The following KCNQ5 variants were observed in gnomAD, a reference collection of about 807,000 sequenced individuals.
KCNQ5 encodes the protein potassium voltage-gated channel subfamily KQT member 5.
In KCNQ5, 30 loss-of-function variants were observed where a neutral mutation model predicts 98.2. The observed-to-expected ratio is 0.31, with a 90% CI of 0.23 to 0.41. The LOEUF (loss-of-function observed/expected upper bound fraction) is 0.41. KCNQ5 is among the 10% of genes least tolerant of loss of function. KCNQ5 has a pLI of 1.00. For synonymous variants in KCNQ5, 458 were observed against 449.4 expected, an observed-to-expected ratio of 1.02 and a Z score of -0.24; for missense variants, 835 against 1,182.5, an observed-to-expected ratio of 0.71 and a Z score of 4.31.
At chr6:72,650,370 C>T (rs7746067) in intron 1 of KCNQ5, among the ~76,000 whole-genome samples, 69,213 of 151,882 alleles carry the variant, frequency 0.46, 19,755 homozygotes, top group African/African-American at 0.78. Flanking sequence ...AAAAGAAAAA[C>T]GGAAAGAAAA....
chr6:73,052,811 C>T (rs952716033), intron 3 of KCNQ5, among the ~76,000 whole-genome samples: 2 of 152,100 alleles, frequency 1.3e-5, no homozygotes, highest in Non-Finnish European at 2.9e-5. Flanking sequence ...ACCATTGATG[C>T]CAAAAAGCAA....
At chr6:72,760,518 G>C (rs972474912) in intron 1 of KCNQ5, among the ~76,000 whole-genome samples, 2 of 151,922 alleles carry the variant, frequency 1.3e-5, no homozygotes, top group African/African-American at 4.8e-5. Context: ...TGTGCATGGG[G>C]TGAGGGGGTT....
chr6:72,885,996 A>C (rs2150177758), intron 1 of KCNQ5, among the ~76,000 whole-genome samples: 1 of 152,304 alleles, frequency 6.6e-6, no homozygotes, highest in African/African-American at 2.4e-5. Flanking sequence ...CTAAGTTCAC[A>C]CCTCACATAA....
At chr6:72,996,517 C>A (rs1769306621) in intron 1 of KCNQ5, among the ~76,000 whole-genome samples, 1 of 152,092 alleles carries the variant, frequency 6.6e-6, no homozygotes, top group Admixed American at 6.6e-5. Context: ...CTTTAGGGAC[C>A]AAAGAAGTAG....
chr6:72,957,183 T>TG (rs982976907), intron 1 of KCNQ5, among the ~76,000 whole-genome samples: 1 of 151,112 alleles, frequency 6.6e-6, no homozygotes, highest in Non-Finnish European at 1.5e-5. Flanking sequence ...TTTTTTTTTT[T>TG]TTTTTGAGAT....
intron 1 of KCNQ5, among the ~76,000 whole-genome samples, chr6:72,893,524 A>T (rs1455188306): frequency 3.9e-5 from 6 of 152,184 alleles, no homozygotes; most frequent in Admixed American, 6.5e-5. Flanking sequence ...GCAATGCTTT[A>T]GGGAGAGCCA....
At chr6:72,813,352 T>C (rs1402800080) in intron 1 of KCNQ5, among the ~76,000 whole-genome samples, 1 of 152,222 alleles carries the variant, frequency 6.6e-6, no homozygotes, top group Non-Finnish European at 1.5e-5. Flanking sequence ...CTGTATTCTT[T>C]GTTAAATGGA....
intron 1 of KCNQ5, among the ~76,000 whole-genome samples, chr6:72,869,546 T>C (rs1485067368): frequency 3.3e-5 from 5 of 152,236 alleles, no homozygotes; most frequent in African/African-American, 1.2e-4. Context: ...TCTTTTCCCC[T>C]GTAGGCTTCC....
chr6:72,799,593 A>G (rs184673935), intron 1 of KCNQ5, among the ~76,000 whole-genome samples: 419 of 152,324 alleles, frequency 2.8e-3, no homozygotes, highest in African/African-American at 9.8e-3. Flanking sequence ...CAAGAAAAAG[A>G]ATCTGTATTT....
intron 7 of KCNQ5, among the ~76,000 whole-genome samples, chr6:73,112,329 G>A (rs1022847147): frequency 3.3e-5 from 5 of 151,090 alleles, no homozygotes; most frequent in Non-Finnish European, 7.4e-5. Context: ...TTGTTGTTTT[G>A]TTTTATTTTT....
intron 1 of KCNQ5, among the ~76,000 whole-genome samples, chr6:72,942,736 C>A (rs1766367463): frequency 1.3e-5 from 2 of 152,168 alleles, no homozygotes; most frequent in Non-Finnish European, 2.9e-5. Context: ...TATGGAATGA[C>A]TGCGGTAGGG....
intron 1 of KCNQ5, among the ~76,000 whole-genome samples, chr6:72,984,830 T>A (rs1242009144): frequency 6.6e-6 from 1 of 152,230 alleles, no homozygotes; most frequent in Non-Finnish European, 1.5e-5. Flanking sequence ...GCTGTTGCTA[T>A]TCGGCCATTT....
At chr6:72,745,946 C>T (rs1468776285) in intron 1 of KCNQ5, among the ~76,000 whole-genome samples, 2 of 151,930 alleles carry the variant, frequency 1.3e-5, no homozygotes, top group Non-Finnish European at 2.9e-5. Context: ...CCCTCTGTCT[C>T]CCCTGTATCT....
rs375348261 is a variant in KCNQ5 at position 73,195,120 on chromosome 6, G to T, written c.2505G>T (p.Leu835=). Residue 835 remains leucine, a synonymous_variant, in exon 14 of 14, where the codon CTG becomes CTT. Coordinates refer to ENST00000370398, the MANE Select transcript of KCNQ5 (RefSeq NM_019842.4). ...DLGKSLSVQN[L]IRSTEELNIQ... ...GCAAATCTTTGTCTGTGCAAAACCT[G>T]ATCAGGTCGACCGAGGAACTGAATA... 1 of 1,614,216 alleles carries T rather than the reference G, an allele frequency of 6.2e-7. No homozygotes were observed. Among genetic ancestry groups the T allele is most frequent in the East Asian group, 2.2e-5 (1 of 44,892 alleles).
intron 1 of KCNQ5, among the ~76,000 whole-genome samples, chr6:72,771,399 G>A (rs986700796): frequency 1.3e-5 from 2 of 152,202 alleles, no homozygotes; most frequent in East Asian, 1.9e-4. Context: ...GTATTTTTCA[G>A]CAATTTAAAA....
chr6:72,904,150 T>C (rs1044936044), intron 1 of KCNQ5, among the ~76,000 whole-genome samples: 2 of 151,970 alleles, frequency 1.3e-5, no homozygotes, highest in African/African-American at 4.8e-5. Context: ...AGAATAGCTT[T>C]AAATGTGTTT....
At chr6:72,704,573 T>C (rs955965387) in intron 1 of KCNQ5, among the ~76,000 whole-genome samples, 2 of 152,056 alleles carry the variant, frequency 1.3e-5, no homozygotes, top group Non-Finnish European at 1.5e-5. Flanking sequence ...CATATGCCTA[T>C]AGAAATTCTA....
chr6:72,800,105 T>A (rs1774561176), intron 1 of KCNQ5, among the ~76,000 whole-genome samples: 1 of 152,168 alleles, frequency 6.6e-6, no homozygotes, highest in African/African-American at 2.4e-5. Context: ...AAAGCCTACC[T>A]TTATTCCCAC....
intron 1 of KCNQ5, among the ~76,000 whole-genome samples, chr6:72,760,605 G>A (rs930741181): frequency 6.6e-6 from 1 of 152,054 alleles, no homozygotes; most frequent in Non-Finnish European, 1.5e-5. Context: ...TCTAAAAATA[G>A]CCATAAGTCT....
Sources: gnomAD v4.1 joint callset for allele counts (sites outside exome capture counted in the v4.1 genomes callset) on GRCh38, gnomAD v4.1.1 for gene constraint, MANE v1.5 for transcripts, NCBI Gene and HGNC (gene_info 2026-07-23, HGNC 2026-07-21) for gene names.